The following CHCHD3 variants were observed in gnomAD, a reference collection of about 807,000 sequenced individuals.
CHCHD3 encodes MICOS complex subunit MIC19.
A neutral mutation model predicts 38.2 loss-of-function variants in CHCHD3; 20 were observed. That is an observed-to-expected ratio of 0.52 (90% confidence interval 0.37 to 0.76). CHCHD3 has a LOEUF of 0.76. CHCHD3 is among the 30% of genes least tolerant of loss of function. The pLI is 0.00. For missense variants in CHCHD3, 245 were observed against 279.2 expected (o/e 0.88, Z 0.87); for synonymous variants, 82 against 100.0 (o/e 0.82, Z 1.07).
intron 2 of CHCHD3, among the ~76,000 whole-genome samples, chr7:133,066,310 A>G (rs1328131780): frequency 1.3e-5 from 2 of 150,566 alleles, no homozygotes; most frequent in Non-Finnish European, 2.9e-5. Flanking sequence ...GCTGAAGTGC[A>G]GTGGCACAAT....
At chr7:132,966,942 A>G (rs1379835546) in intron 4 of CHCHD3, among the ~76,000 whole-genome samples, 8 of 152,214 alleles carry the variant, frequency 5.3e-5, no homozygotes, top group African/African-American at 9.6e-5. Flanking sequence ...AATGAAGTAA[A>G]TATGTTCACA....
At chr7:132,892,752 G>A (rs1403139327) in intron 4 of CHCHD3, among the ~76,000 whole-genome samples, 4 of 152,210 alleles carry the variant, frequency 2.6e-5, no homozygotes, top group African/African-American at 4.8e-5. Context: ...GGCTAAAAGA[G>A]GCCAAGGTAT....
At chr7:133,030,547 AT>A (rs1455721241) in intron 2 of CHCHD3, among the ~76,000 whole-genome samples, 4 of 152,178 alleles carry the variant, frequency 2.6e-5, no homozygotes, top group African/African-American at 9.7e-5. Context: ...AAACAAAAAA[AT>A]GTTCAAGCAA....
intron 4 of CHCHD3, among the ~76,000 whole-genome samples, chr7:132,920,827 A>C (rs1242970259): frequency 6.6e-6 from 1 of 152,022 alleles, no homozygotes; most frequent in Non-Finnish European, 1.5e-5. Context: ...ATCAAAGAAA[A>C]AAACTATCTA....
At chr7:132,807,750 G>A (rs1668560500) in intron 6 of CHCHD3, among the ~76,000 whole-genome samples, 1 of 151,032 alleles carries the variant, frequency 6.6e-6, no homozygotes, top group Admixed American at 6.6e-5. Context: ...CTTCCAAGCA[G>A]GGGAGTTGGA....
chr7:132,804,928 C>T (rs1434346090), intron 6 of CHCHD3, among the ~76,000 whole-genome samples: 1 of 152,164 alleles, frequency 6.6e-6, no homozygotes, highest in Non-Finnish European at 1.5e-5. Context: ...AGAGTCAAGC[C>T]TTTTGTCTGT....
At chr7:132,793,230 C>T (rs140835914) in intron 7 of CHCHD3, among the ~76,000 whole-genome samples, 5 of 152,192 alleles carry the variant, frequency 3.3e-5, no homozygotes, top group Non-Finnish European at 4.4e-5. Context: ...GTAGGTGTAG[C>T]AAGATAGAAT....
At chr7:132,822,627 T>C (rs765309931) in intron 6 of CHCHD3, among the ~76,000 whole-genome samples, 5 of 152,114 alleles carry the variant, frequency 3.3e-5, no homozygotes, top group Non-Finnish European at 7.3e-5. Flanking sequence ...AGGTATTATA[T>C]GTACATGTCC....
intron 6 of CHCHD3, among the ~76,000 whole-genome samples, chr7:132,814,721 AAAT>A (rs1807154876): frequency 6.6e-6 from 1 of 152,246 alleles, no homozygotes; most frequent in Admixed American, 6.5e-5. Flanking sequence ...ACACATTACT[AAAT>A]TATTATGTGA....
At chr7:133,050,634 T>A (rs893782773) in intron 2 of CHCHD3, among the ~76,000 whole-genome samples, 2 of 152,144 alleles carry the variant, frequency 1.3e-5, no homozygotes, top group African/African-American at 4.8e-5. Context: ...ACAACTCCAA[T>A]AAACATAAAA....
chr7:132,802,779 C>G (rs1262706913), intron 6 of CHCHD3, among the ~76,000 whole-genome samples: 1 of 152,154 alleles, frequency 6.6e-6, no homozygotes, highest in Non-Finnish European at 1.5e-5. Flanking sequence ...AACATGAACT[C>G]AATCTGGAAG....
chr7:132,812,820 T>G (rs1421072464), intron 6 of CHCHD3, among the ~76,000 whole-genome samples: 1 of 152,166 alleles, frequency 6.6e-6, no homozygotes, highest in East Asian at 1.9e-4. Context: ...CCTCCATCTC[T>G]CTCTACGACA....
At chr7:132,918,492 A>C (rs1397892041) in intron 4 of CHCHD3, among the ~76,000 whole-genome samples, 1 of 152,268 alleles carries the variant, frequency 6.6e-6, no homozygotes, top group African/African-American at 2.4e-5. Context: ...GTACTTCACA[A>C]TAAAGTTGCA....
chr7:132,868,835 G>A (rs1474421040), intron 5 of CHCHD3, among the ~76,000 whole-genome samples: 1 of 152,090 alleles, frequency 6.6e-6, no homozygotes, highest in Non-Finnish European at 1.5e-5. Context: ...GTGGCTGTCG[G>A]AGAGTAACTG....
At chr7:133,012,039 A>G (rs1041049605) in intron 3 of CHCHD3, among the ~76,000 whole-genome samples, 24 of 152,140 alleles carry the variant, frequency 1.6e-4, no homozygotes, top group Non-Finnish European at 3.5e-4. Context: ...CAGAAAGTTG[A>G]TGTTACCCTC....
At chr7:132,968,928 G>A (rs1302672776) in intron 4 of CHCHD3, among the ~76,000 whole-genome samples, 1 of 151,974 alleles carries the variant, frequency 6.6e-6, no homozygotes, top group Non-Finnish European at 1.5e-5. Flanking sequence ...ATTCAAAACC[G>A]TTTTCTTTTT....
At chr7:132,799,653 T>C (rs539701211) in intron 6 of CHCHD3, among the ~76,000 whole-genome samples, 1 of 152,248 alleles carries the variant, frequency 6.6e-6, no homozygotes, top group South Asian at 2.1e-4. Context: ...AGTGGGAAGA[T>C]CTAATAGTTA....
intron 6 of CHCHD3, among the ~76,000 whole-genome samples, chr7:132,807,789 T>A (rs1243062329): frequency 6.6e-6 from 1 of 150,932 alleles, no homozygotes; most frequent in Non-Finnish European, 1.5e-5. Flanking sequence ...TGAAGGAGAT[T>A]GACTTTTGCA....
At chr7:133,045,284 C>G (rs1376447960) in intron 2 of CHCHD3, among the ~76,000 whole-genome samples, 2 of 152,156 alleles carry the variant, frequency 1.3e-5, no homozygotes, top group African/African-American at 4.8e-5. Flanking sequence ...TTCAGACTCA[C>G]CCAGTGAAAA....
Sources: allele counts gnomAD v4.1 joint callset (sites outside exome capture counted in the v4.1 genomes callset), GRCh38; gene constraint gnomAD v4.1.1; transcripts MANE v1.5; gene names NCBI Gene and HGNC (gene_info 2026-07-23, HGNC 2026-07-21).